Variants in PTDSS2 observed in about 807,000 individuals in gnomAD.
PTDSS2 encodes phosphatidylserine synthase 2.
In PTDSS2, 41 loss-of-function variants were observed where a neutral mutation model predicts 64.7. The ratio of observed to expected loss-of-function variants is 0.63; its 90% CI spans 0.49 to 0.82. The LOEUF is 0.82. PTDSS2 is among the 40% of genes least tolerant of loss of function. The pLI is 0.00. For synonymous variants in PTDSS2, 297 were observed against 277.8 expected (o/e 1.07, Z -0.69); for missense variants, 485 against 650.0 (o/e 0.75, Z 2.76).
Position 488,564 on chromosome 11 carries a change from C to T in PTDSS2, c.771C>T (p.Gly257=), listed in dbSNP as rs1411420484. The T allele has an allele frequency of 3.7e-6, 6 of 1,613,584 alleles. No homozygotes were observed. The highest frequency in any genetic ancestry group is 2.2e-5 in the East Asian group (1 of 44,874). The change falls in exon 8 of 12, where the codon GGC becomes GGT. Residue 257 remains glycine (G), a synonymous_variant. Transcript: ENST00000308020. ...ACGTGCTCGTCTGCAACGGGCTGGG[C>T]ATCTACTGCGGCATGAAGACCCTTG... ...IMDVLVCNGL[G]IYCGMKTLEW...
rs191308025 is a variant in PTDSS2, at chr11:486,669, C to T, written c.436-270C>T. On this transcript the variant is annotated intron_variant, in intron 4 of 11. Transcript: ENST00000308020. The stretch of plus-strand genomic sequence containing the variant: ...CATCCTGGCTAGCACGGTGAAACCC[C>T]GTCTCTACTAAAAATACAAAAAAAA... Among the ~76,000 whole-genome samples, 426 of 151,944 alleles carry T rather than the reference C, an allele frequency of 2.8e-3. 1 individual carries two copies. The highest frequency in any genetic ancestry group is 0.02 in the Middle Eastern group (6 of 294).
rs1002133514 is a variant in PTDSS2 at position 479,894 on chromosome 11, A to G, written c.435+742A>G. On this transcript the variant is annotated intron_variant, in intron 4 of 11. Coordinates refer to ENST00000308020, the MANE Select transcript of PTDSS2 (RefSeq NM_030783.3). The surrounding 1 kb of genome is among the most constrained non-coding windows in gnomAD (Gnocchi z 4.2). ...GCTTACAAAGGACTTTATTATTCCC[A>G]ATCTTAAAACTCCATCAGTGCATGA... Among the ~76,000 whole-genome samples the G allele has an allele frequency of 1.3e-5, 2 of 152,206 alleles. No individual in the cohort carries two copies. The highest frequency in any genetic ancestry group is 2.9e-5 in the Non-Finnish European group (2 of 68,028).
At chr11:458,324 C>T (rs1251193240) in intron 1 of PTDSS2, among the ~76,000 whole-genome samples, 3 of 151,578 alleles carry the variant, frequency 2.0e-5, no homozygotes, top group Non-Finnish European at 4.4e-5. Flanking sequence ...CCTGCCTCAG[C>T]CTCCCGAGTA....
intron 4 of PTDSS2, among the ~76,000 whole-genome samples, chr11:485,217 G>T (rs1219948843): frequency 2.5e-4 from 35 of 139,658 alleles, no homozygotes; most frequent in Admixed American, 1.4e-3. Context: ...TGTGCTCACT[G>T]TGCGCAGGCG....
Position 488,326 on chromosome 11 carries a change from C to T in PTDSS2, c.735+14C>T. 3.1e-6 allele frequency: 5 copies of T among 1,600,416 alleles called. No individual in the cohort carries two copies. Among genetic ancestry groups the T allele is most frequent in the Non-Finnish European group, 4.3e-6 (5 of 1,169,128 alleles). ...TGGTGGGATCACGTAGGTGCCAGCA[C>T]AGCCCCCGGGGCAGTCGGTGCAGGC... On this transcript the variant is annotated intron_variant, in intron 7 of 11. Transcript: ENST00000308020.
At chr11:473,216 C>T (rs1847562371) in intron 2 of PTDSS2, among the ~76,000 whole-genome samples, 5 of 152,370 alleles carry the variant, frequency 3.3e-5, no homozygotes, top group Admixed American at 2.6e-4. Flanking sequence ...AGCGGTCCCT[C>T]GCATCCTCCT....
rs147377947 is a variant in PTDSS2, at chr11:490,114, C to T, written c.1301+46C>T. The stretch of plus-strand genomic sequence containing the variant: ...TATGTTCTGAAGGAGGGCCGCTGTC[C>T]GGGTCCCTTGGCACAGGCACTGTGG... On this transcript the variant is annotated intron_variant, in intron 11 of 11. Transcript: ENST00000308020. 2.8e-3 allele frequency: 4,298 copies of T among 1,549,042 alleles called. 149 individuals are homozygous for T. In the Admixed American group the frequency reaches 0.066, roughly 24 times the overall value.
rs1419613022 is a variant in PTDSS2 at position 476,852 on chromosome 11, C to T, written c.368-2233C>T. Among the ~76,000 whole-genome samples, 3 of 152,210 alleles carry T rather than the reference C, an allele frequency of 2.0e-5. No individual in the cohort carries two copies. Among genetic ancestry groups the T allele is most frequent in the Non-Finnish European group, 4.4e-5 (3 of 68,034 alleles). ...CCGTTTAGTTTGCTTGGCATAAATT[C>T]CATATTACTTTGCCAATCTTCGATT... is the stretch of plus-strand genomic sequence containing the variant. On this transcript the variant is annotated intron_variant, in intron 3 of 11. Coordinates refer to ENST00000308020, the MANE Select transcript of PTDSS2 (RefSeq NM_030783.3). This position sits in a 1 kb window ranked among gnomAD's most constrained non-coding sequence, Gnocchi z 4.9.
chr11:486,458 C>T (rs919355100), intron 4 of PTDSS2, among the ~76,000 whole-genome samples: 2 of 152,342 alleles, frequency 1.3e-5, no homozygotes, highest in East Asian at 1.9e-4. Context: ...TCCTTCCCCA[C>T]GCGCTGCCCC....
intron 1 of PTDSS2, among the ~76,000 whole-genome samples, chr11:454,190 C>T (rs1212932510): frequency 6.6e-6 from 1 of 152,188 alleles, no homozygotes; most frequent in East Asian, 1.9e-4. Context: ...GATGTGTCCT[C>T]CTGCAGGGCT....
At chr11:484,866 C>CCG (rs1848240415) in intron 4 of PTDSS2, among the ~76,000 whole-genome samples, 2 of 132,662 alleles carry the variant, frequency 1.5e-5, no homozygotes, top group East Asian at 2.4e-4. Context: ...CGTGTGCTCA[C>CCG]TGTGCGCAGG....
intron 1 of PTDSS2, among the ~76,000 whole-genome samples, chr11:457,891 G>A (rs969591557): frequency 6.6e-6 from 1 of 152,212 alleles, no homozygotes. Context: ...TGAGCATCTT[G>A]CTCCGAGACC....
intron 4 of PTDSS2, among the ~76,000 whole-genome samples, chr11:482,326 G>T (rs1051102682): frequency 1.3e-5 from 2 of 151,224 alleles, no homozygotes; most frequent in African/African-American, 4.9e-5. Flanking sequence ...AGGTTCTAGC[G>T]ATTCTCGTGC....
At chr11:486,443 G>A (rs535200529) in intron 4 of PTDSS2, among the ~76,000 whole-genome samples, 24 of 152,294 alleles carry the variant, frequency 1.6e-4, no homozygotes, top group Admixed American at 1.5e-3. Flanking sequence ...GTCGTGCCTG[G>A]GGGTTCCTTC....
intron 7 of PTDSS2, 48 bp downstream of exon 7, chr11:488,360 A>T (rs1211498013): frequency 6.7e-7 from 1 of 1,502,974 alleles, no homozygotes; most frequent in African/African-American, 1.4e-5. Flanking sequence ...GCTGAGGGGC[A>T]TTCTCGGAAC....
Position 478,761 on chromosome 11 carries a change from C to G in PTDSS2, c.368-324C>G, listed in dbSNP as rs374792355. Among the ~76,000 whole-genome samples, 10 of 152,132 alleles carry G rather than the reference C, an allele frequency of 6.6e-5. No individual in the cohort carries two copies. In the East Asian group the frequency reaches 1.2e-3, roughly 18 times the overall value. On this transcript the variant is annotated intron_variant, in intron 3 of 11. Coordinates refer to ENST00000308020, the MANE Select transcript of PTDSS2 (RefSeq NM_030783.3). ...AAAAAAAAAAGGTATCCACCAAAAA[C>G]CTACTCCAAACTTAACGGCGCAAGT...
chr11:475,384 T>TATTCACGCGTTTGTGATACAGAC, intron 3 of PTDSS2, among the ~76,000 whole-genome samples: 1 of 151,498 alleles, frequency 6.6e-6, no homozygotes, highest in African/African-American at 2.4e-5. Context: ...TGTATGGACA[T>TATTCACGCGTTTGTGATACAGAC]ATTCACGCGT....
intron 4 of PTDSS2, among the ~76,000 whole-genome samples, chr11:484,627 A>G (rs1848214030): frequency 6.7e-6 from 1 of 148,244 alleles, no homozygotes; most frequent in African/African-American, 2.5e-5. Flanking sequence ...GCATCTGTAA[A>G]CAGTGCATGG....
intron 2 of PTDSS2, among the ~76,000 whole-genome samples, chr11:467,923 GC>G (rs1847214947): frequency 6.6e-6 from 1 of 152,148 alleles, no homozygotes; most frequent in Non-Finnish European, 1.5e-5. Context: ...GATCGCTTGA[GC>G]CCAGGAGTTC....
Sources: allele counts gnomAD v4.1 joint callset (sites outside exome capture counted in the v4.1 genomes callset), GRCh38; gene constraint gnomAD v4.1.1; non-coding constraint Gnocchi (gnomAD v3.1); transcripts MANE v1.5; gene names NCBI Gene and HGNC (gene_info 2026-07-23, HGNC 2026-07-21).